MEI4: variants seen among roughly 807,000 people sequenced by gnomAD.
MEI4 encodes the protein meiosis-specific protein MEI4.
Under a neutral mutation model 31.4 loss-of-function variants are expected in MEI4, and 27 were observed. That is an observed-to-expected ratio of 0.86 (90% confidence interval 0.63 to 1.19). MEI4 has a LOEUF of 1.19. MEI4 is among the 50% of genes most tolerant of loss of function. The probability of loss-of-function intolerance (pLI) is 0.00; values close to 1 mark genes in which losing one functional copy is unlikely to be tolerated. For missense variants in MEI4, 329 were observed against 398.9 expected (o/e 0.82, Z 1.49); for synonymous variants, 122 against 145.4 (o/e 0.84, Z 1.16).
intron 2 of MEI4, among the ~76,000 whole-genome samples, chr6:77,714,214 TACCTATGTA>T (rs1186785198): frequency 6.7e-6 from 1 of 149,670 alleles, no homozygotes; most frequent in Non-Finnish European, 1.5e-5. Flanking sequence ...GACACAAGTT[TACCTATGTA>T]ACACTTAAAA....
chr6:77,771,161 A>T (rs764982751), intron 3 of MEI4, among the ~76,000 whole-genome samples: 1 of 152,194 alleles, frequency 6.6e-6, no homozygotes, highest in African/African-American at 2.4e-5. Flanking sequence ...GAAGACATAC[A>T]TGTGGCTAAC....
At chr6:77,689,315 T>G (rs567608001) in intron 1 of MEI4, among the ~76,000 whole-genome samples, 17 of 152,244 alleles carry the variant, frequency 1.1e-4, no homozygotes, top group African/African-American at 3.6e-4. Context: ...AATATTCATT[T>G]GTATAGTCAT....
intron 2 of MEI4, among the ~76,000 whole-genome samples, chr6:77,734,120 G>T (rs1195735821): frequency 1.3e-5 from 2 of 151,986 alleles, no homozygotes; most frequent in Non-Finnish European, 2.9e-5. Context: ...TTGGGGTGGA[G>T]AGTTCTGTAG....
At chr6:77,922,447 A>C (rs909210256) in intron 4 of MEI4, among the ~76,000 whole-genome samples, 6 of 151,604 alleles carry the variant, frequency 4.0e-5, no homozygotes, top group Admixed American at 3.3e-4. Flanking sequence ...GCCAGTTTTC[A>C]TTTTTATACT....
chr6:77,894,215 A>G (rs981105842), intron 4 of MEI4, among the ~76,000 whole-genome samples: 18 of 151,700 alleles, frequency 1.2e-4, no homozygotes, highest in Admixed American at 4.6e-4. Flanking sequence ...TTGTATGATT[A>G]CTTTTTCTTT....
At chr6:77,802,401 T>C (rs1419663192) in intron 3 of MEI4, among the ~76,000 whole-genome samples, 1 of 152,224 alleles carries the variant, frequency 6.6e-6, no homozygotes, top group African/African-American at 2.4e-5. Context: ...TACATCACAC[T>C]AATGGGTCTT....
intron 2 of MEI4, among the ~76,000 whole-genome samples, chr6:77,728,978 T>C (rs1766900726): frequency 6.6e-6 from 1 of 152,208 alleles, no homozygotes. Flanking sequence ...GATAATGGTT[T>C]AGCATAAGGT....
chr6:77,773,471 G>A (rs1042474067), intron 3 of MEI4, among the ~76,000 whole-genome samples: 2 of 151,922 alleles, frequency 1.3e-5, no homozygotes, highest in Admixed American at 6.6e-5. Context: ...TGGGAAAGCT[G>A]GATATCTATA....
At chr6:77,865,751 C>G (rs895477770) in intron 4 of MEI4, among the ~76,000 whole-genome samples, 6 of 152,102 alleles carry the variant, frequency 3.9e-5, no homozygotes, top group South Asian at 2.1e-4. Context: ...CATCCTGATA[C>G]CAAAGCCTGG....
intron 4 of MEI4, among the ~76,000 whole-genome samples, chr6:77,842,162 C>T (rs35294150): frequency 6.6e-6 from 1 of 152,014 alleles, no homozygotes; most frequent in South Asian, 2.1e-4. Flanking sequence ...AGATACCATT[C>T]TAGACCACGA....
chr6:77,755,981 G>T (rs1023924531), intron 2 of MEI4, among the ~76,000 whole-genome samples: 2 of 152,072 alleles, frequency 1.3e-5, no homozygotes, highest in Non-Finnish European at 2.9e-5. Flanking sequence ...CTTTACCTTA[G>T]TGTCTCCTGG....
intron 4 of MEI4, among the ~76,000 whole-genome samples, chr6:77,861,879 A>G (rs1017872269): frequency 6.6e-6 from 1 of 152,194 alleles, no homozygotes; most frequent in East Asian, 1.9e-4. Flanking sequence ...ACTGGTAGAC[A>G]TAATATTTCT....
chr6:77,805,281 T>C (rs527462679), intron 3 of MEI4, among the ~76,000 whole-genome samples: 60 of 152,268 alleles, frequency 3.9e-4, no homozygotes, highest in Non-Finnish European at 7.4e-4. Flanking sequence ...GAATTAATAG[T>C]ATTCTGTGAC....
In MEI4 at chr6:77,692,615, A is replaced by C. The variant is rs189732161; in HGVS notation, c.232+1712A>C. 1.1e-4 allele frequency among the ~76,000 whole-genome samples: 16 copies of C among 152,200 alleles called. No individual in the cohort carries two copies. The East Asian group carries it at 3.1e-3, about 29-fold the overall frequency. ...AGACATGTAGGAATAAATTCAGAGT[A>C]GACACTTTAGACATTTATGAATGGT... On this transcript the variant is annotated intron_variant, in intron 2 of 4. Transcript: ENST00000684080.
intron 4 of MEI4, among the ~76,000 whole-genome samples, chr6:77,861,818 T>C (rs1770873229): frequency 6.6e-6 from 1 of 152,220 alleles, no homozygotes. Context: ...TAGTCCAGTA[T>C]CTGACACACA....
At chr6:77,792,650 G>C (rs1490099080) in intron 3 of MEI4, among the ~76,000 whole-genome samples, 1 of 150,754 alleles carries the variant, frequency 6.6e-6, no homozygotes, top group South Asian at 2.1e-4. Context: ...GTTGATTTTT[G>C]TATATGATGT....
chr6:77,849,690 C>T (rs1770570010), intron 4 of MEI4, among the ~76,000 whole-genome samples: 1 of 152,150 alleles, frequency 6.6e-6, no homozygotes, highest in South Asian at 2.1e-4. Flanking sequence ...GATTATAGAG[C>T]TGTAGTGCAT....
intron 3 of MEI4, among the ~76,000 whole-genome samples, chr6:77,785,676 G>T (rs1046119352): frequency 3.3e-5 from 5 of 152,198 alleles, no homozygotes; most frequent in East Asian, 1.9e-4. Context: ...GAAGGTGAGA[G>T]AAATTACTAG....
At chr6:77,735,223 G>A (rs1200741010) in intron 2 of MEI4, among the ~76,000 whole-genome samples, 4 of 152,012 alleles carry the variant, frequency 2.6e-5, no homozygotes, top group Non-Finnish European at 4.4e-5. Context: ...ATATCCTGCA[G>A]AGTGTTTTCC....
Sources: gnomAD v4.1 joint callset for allele counts (sites outside exome capture counted in the v4.1 genomes callset) on GRCh38, gnomAD v4.1.1 for gene constraint, MANE v1.5 for transcripts, NCBI Gene and HGNC (gene_info 2026-07-23, HGNC 2026-07-21) for gene names.